Variants in CYP2J2 observed in about 807,000 individuals in gnomAD.
CYP2J2 encodes cytochrome P450 2J2.
A neutral mutation model predicts 48.8 loss-of-function variants in CYP2J2; 41 were observed. The ratio of observed to expected loss-of-function variants is 0.84; its 90% CI spans 0.66 to 1.09. CYP2J2 has a LOEUF of 1.09. Among genes scored for constraint, CYP2J2 ranks in the 50% least tolerant of loss-of-function variants. The pLI, the probability that CYP2J2 is intolerant of heterozygous loss-of-function variation, is 0.00. For missense variants in CYP2J2, 644 were observed against 617.3 expected, an observed-to-expected ratio of 1.04 and a Z score of -0.46; for synonymous variants, 221 against 227.1, an observed-to-expected ratio of 0.97 and a Z score of 0.24.
chr1:59,935,003 T>C, the CYP2J2 span, among the ~76,000 whole-genome samples: 1 of 47,358 alleles, frequency 2.1e-5, no homozygotes, highest in South Asian at 4.9e-4. Context: ...TATATATATA[T>C]ATATATATAT....
chr1:59,911,871 C>T (rs1644419132), intron 3 of CYP2J2, 103 bp from the exon 4 acceptor site: 15 of 1,181,092 alleles, frequency 1.3e-5, no homozygotes, highest in Non-Finnish European at 1.7e-5. Context: ...AGTGCAGAAC[C>T]ATATATGAGG....
At chr1:59,964,959 G>A in the CYP2J2 span, among the ~76,000 whole-genome samples, 2 of 152,146 alleles carry the variant, frequency 1.3e-5, no homozygotes, top group African/African-American at 4.8e-5. Flanking sequence ...GAGAGATGAT[G>A]GAAGCTTAGG....
upstream of CYP2J2, among the ~76,000 whole-genome samples, chr1:59,927,135 T>C (rs1644574315): frequency 6.6e-6 from 1 of 152,184 alleles, no homozygotes; most frequent in Non-Finnish European, 1.5e-5. Flanking sequence ...TAGATTATTA[T>C]TTCATTTTGA....
upstream of CYP2J2, among the ~76,000 whole-genome samples, chr1:59,928,789 A>G (rs560277713): frequency 2.0e-5 from 3 of 152,320 alleles, no homozygotes; most frequent in Admixed American, 2.0e-4. Flanking sequence ...AACAATAGAG[A>G]TTTTGGTGGT....
the CYP2J2 span, among the ~76,000 whole-genome samples, chr1:59,936,202 T>C: frequency 1.3e-5 from 2 of 152,240 alleles, no homozygotes; most frequent in Non-Finnish European, 2.9e-5. Flanking sequence ...GGTGCTATTG[T>C]CTTAATTTTT....
the CYP2J2 span, among the ~76,000 whole-genome samples, chr1:59,964,999 T>C: frequency 2.0e-5 from 3 of 152,194 alleles, no homozygotes; most frequent in Non-Finnish European, 2.9e-5. Context: ...ATCACAAGAA[T>C]AGGTCAGACT....
At chr1:59,959,666 C>CAT in the CYP2J2 span, among the ~76,000 whole-genome samples, 1 of 151,514 alleles carries the variant, frequency 6.6e-6, no homozygotes, top group South Asian at 2.1e-4. Flanking sequence ...TGCACATATA[C>CAT]ATATATATAC....
intron 2 of CYP2J2, chr1:59,913,279 A>G (rs920598345): frequency 6.6e-6 from 1 of 152,124 alleles, no homozygotes; most frequent in African/African-American, 2.4e-5. Flanking sequence ...TTCTTCATCT[A>G]AAACCTCTTC....
rs758677753 is a variant in CYP2J2 at position 59,893,665 on chromosome 1, C to T, written c.1495G>A (p.Val499Ile). Reference protein sequence around the residue: ...ISPVSHRLCAVPQV With the variant: ...ISPVSHRLCAIPQV ...TCTTAACAATATTACACCTGAGGAA[C>T]AGCGCAGAGGCGGTGACTGACTGGG... Residue 499 changes from valine (V) to isoleucine (I), a missense_variant, in exon 9 of 9, where the codon GTT becomes ATT. Physicochemically the swap from Val to Ile is conservative, Grantham distance 29. Coordinates refer to ENST00000371204, the MANE Select transcript of CYP2J2 (RefSeq NM_000775.4). 4.4e-6 allele frequency: 7 copies of T among 1,605,010 alleles called. No individual in the cohort carries two copies. The highest frequency in any genetic ancestry group is 6.0e-6 in the Non-Finnish European group (7 of 1,176,264).
At chr1:59,914,521 A>G (rs1313215469) in intron 2 of CYP2J2, among the ~76,000 whole-genome samples, 2 of 152,180 alleles carry the variant, frequency 1.3e-5, no homozygotes, top group East Asian at 3.8e-4. Flanking sequence ...TGAGCTCACA[A>G]AAACATATGT....
chr1:59,963,954 T>C, the CYP2J2 span, among the ~76,000 whole-genome samples: 2 of 151,740 alleles, frequency 1.3e-5, no homozygotes, highest in Non-Finnish European at 2.9e-5. Flanking sequence ...AATAGGAATT[T>C]ATAAAGCAAG....
the CYP2J2 span, among the ~76,000 whole-genome samples, chr1:59,967,283 C>T: frequency 2.0e-5 from 3 of 152,190 alleles, no homozygotes; most frequent in Non-Finnish European, 2.9e-5. Context: ...CACAAATATA[C>T]ATCCAATTTC....
chr1:59,944,733 T>C, the CYP2J2 span, among the ~76,000 whole-genome samples: 1 of 152,208 alleles, frequency 6.6e-6, no homozygotes, highest in African/African-American at 2.4e-5. Context: ...TGACATTTAG[T>C]TTCAATTTTA....
At chr1:59,952,238 A>AT in the CYP2J2 span, among the ~76,000 whole-genome samples, 1 of 151,748 alleles carries the variant, frequency 6.6e-6, no homozygotes, top group African/African-American at 2.4e-5. Context: ...TGAGGGACGC[A>AT]TGCCTAACAT....
the CYP2J2 span, among the ~76,000 whole-genome samples, chr1:59,939,716 G>A: frequency 6.6e-6 from 1 of 152,164 alleles, no homozygotes; most frequent in Admixed American, 6.6e-5. Flanking sequence ...CAGGAGCCAG[G>A]GACTAAAGTC....
At chr1:59,905,145 T>C (rs1479234635) in intron 6 of CYP2J2, 87 bp from the exon 7 acceptor site, 2 of 1,349,856 alleles carry the variant, frequency 1.5e-6, no homozygotes, top group Non-Finnish European at 2.0e-6. Context: ...ATGTCATCTG[T>C]TGTATTTCAA....
rs774418459 is a variant in CYP2J2 at position 59,911,674 on chromosome 1, A to G, written c.618T>C (p.Ser206=). The change falls in exon 4 of 9, where the codon AGT becomes AGC. Residue 206 remains serine, a synonymous_variant. Transcript: ENST00000371204. ...TFGERFEYQD[S]WFQQLLKLLD... is the part of the protein sequence containing the mutation. The stretch of plus-strand genomic sequence containing the variant: ...GTAACTTCAGCAGCTGCTGAAACCA[A>G]CTATCCTGGTACTCAAAGCGTTCTC... 2.0e-5 allele frequency: 32 copies of G among 1,613,492 alleles called. No individual in the cohort carries two copies. The East Asian group carries it at 4.7e-4, about 24-fold the overall frequency.
intron 1 of CYP2J2, among the ~76,000 whole-genome samples, chr1:59,917,222 C>T (rs11572239): frequency 2.0e-3 from 309 of 152,200 alleles, no homozygotes; most frequent in South Asian, 3.5e-3. Context: ...TTGTTCCAGG[C>T]GCACAGCCAC....
chr1:59,912,544 A>C (rs1274774848), intron 2 of CYP2J2: 4 of 431,110 alleles, frequency 9.3e-6, no homozygotes, highest in Non-Finnish European at 1.6e-5. Flanking sequence ...TTTAGTACTC[A>C]TAGAAACTCT....
Sources: gnomAD v4.1 joint callset for allele counts (sites outside exome capture counted in the v4.1 genomes callset) on GRCh38, gnomAD v4.1.1 for gene constraint, MANE v1.5 for transcripts, NCBI Gene and HGNC (gene_info 2026-07-23, HGNC 2026-07-21) for gene names.